STXBP2: variants seen among roughly 807,000 people sequenced by gnomAD.
STXBP2 encodes the protein syntaxin binding protein 2.
Under a neutral mutation model 72.2 loss-of-function variants are expected in STXBP2, and 47 were observed. That is an observed-to-expected ratio of 0.65 (90% CI 0.51 to 0.83). The LOEUF is 0.83. Among genes scored for constraint, STXBP2 ranks in the 40% least tolerant of loss-of-function variants. The pLI is 0.00. For missense variants in STXBP2, 702 were observed against 807.6 expected (o/e 0.87, Z 1.58); for synonymous variants, 367 against 338.7 (o/e 1.08, Z -0.92).
upstream of STXBP2, chr19:7,632,688 T>G (rs567036760): frequency 1.0e-4 from 160 of 1,549,816 alleles, no homozygotes; most frequent in South Asian, 1.8e-3. This position sits in a 1 kb window ranked among gnomAD's most constrained non-coding sequence, Gnocchi z 5.2. Flanking sequence ...TCACGCCCCA[T>G]GGACAGCACC....
upstream of STXBP2, chr19:7,633,874 A>G (rs4804756): frequency 0.29 from 53,957 of 184,116 alleles, 8,750 homozygotes; most frequent in Non-Finnish European, 0.36. Context: ...CTGGCTCCTG[A>G]AAGGGCAGCT....
At position 7,642,551 on chromosome 19, in the gene STXBP2, G is replaced by A; in HGVS notation, c.902+15G>A. 1.9e-6 allele frequency: 3 copies of A among 1,612,326 alleles called. No individual in the cohort carries two copies. Among genetic ancestry groups the A allele is most frequent in the South Asian group, 2.2e-5 (2 of 91,066 alleles). On this transcript the variant is annotated intron_variant, in intron 10 of 18. Coordinates refer to ENST00000221283, the MANE Select transcript of STXBP2 (RefSeq NM_006949.4). This position sits in a 1 kb window ranked among gnomAD's most constrained non-coding sequence, Gnocchi z 6.0. ...GATGTGTCCAAGTGCGTGCACACGG[G>A]GACCGGATCCCCCCCCCACCGCCCA...
chr19:7,631,406 G>C, the STXBP2 span: 2 of 925,050 alleles, frequency 2.2e-6, no homozygotes, highest in African/African-American at 1.7e-5. Flanking sequence ...GGGCGGGGGG[G>C]GGTGGTCCCG....
chr19:7,640,093 T>A (rs745397703), intron 4 of STXBP2: 2 of 613,954 alleles, frequency 3.3e-6, no homozygotes. Context: ...GGTCTGTGTG[T>A]GCATTTGTGT....
chr19:7,637,320 C>G (rs2031585549), intron 1 of STXBP2, 134 bp downstream of exon 1: 8 of 226,496 alleles, frequency 3.5e-5, no homozygotes, highest in South Asian at 1.9e-4. Flanking sequence ...ACCTGACCCT[C>G]GAGGGGGCGG....
chr19:7,644,780 C>A (rs373463367), intron 14 of STXBP2, 28 bp downstream of exon 14: 1 of 1,613,242 alleles, frequency 6.2e-7, no homozygotes, highest in Admixed American at 1.7e-5. Context: ...GGAGTTGGAA[C>A]GTCCCCATTT....
intron 14 of STXBP2, chr19:7,644,972 G>A (rs2032074490): frequency 6.9e-7 from 1 of 1,447,214 alleles, no homozygotes; most frequent in African/African-American, 1.4e-5. Context: ...CCTCACATCT[G>A]TGATTCCTAT....
At position 7,642,775 on chromosome 19, in the gene STXBP2, G is replaced by A. The variant is rs781242568; in HGVS notation, c.912G>A (p.Thr304=). The A allele has an allele frequency of 2.5e-5, 41 of 1,613,678 alleles. No individual in the cohort carries two copies. Among genetic ancestry groups the A allele is most frequent in the Non-Finnish European group, 3.2e-5 (38 of 1,179,988 alleles). ...CCACCCTCATGGCCAGGAAGGTCAC[G>A]GAGCTCCTGAGGACCTTCTGTGAGA... ...MHIADVSKKV[T]ELLRTFCESK... is the part of the protein sequence containing the mutation. The change falls in exon 11 of 19, where the codon ACG becomes ACA. Residue 304 remains threonine, a synonymous_variant. Transcript: ENST00000221283. The surrounding 1 kb of genome is among the most constrained non-coding windows in gnomAD (Gnocchi z 6.0).
chr19:7,633,445 C>T (rs932190266), upstream of STXBP2: 7 of 1,577,412 alleles, frequency 4.4e-6, no homozygotes, highest in Non-Finnish European at 6.0e-6. Context: ...GTCTTCTCCT[C>T]CTGATCCATC....
chr19:7,635,690 G>A (rs911790354), upstream of STXBP2, among the ~76,000 whole-genome samples: 15 of 152,000 alleles, frequency 9.9e-5, no homozygotes, highest in African/African-American at 2.7e-4. Flanking sequence ...AGCGAGACCC[G>A]TCTCTTTACA....
intron 7 of STXBP2, 40 bp downstream of exon 7, chr19:7,641,893 C>G (rs751046015): frequency 2.5e-6 from 4 of 1,587,228 alleles, no homozygotes; most frequent in East Asian, 2.4e-5. Flanking sequence ...GCCGACCCCC[C>G]CTTAACCGCG....
At position 7,640,826 on chromosome 19, in the gene STXBP2, T is replaced by C. The variant is rs1599395297; in HGVS notation, c.325+17T>C. The C allele has an allele frequency of 5.6e-6, 9 of 1,613,976 alleles. No homozygotes were observed. The East Asian group carries it at 1.1e-4, about 20-fold the overall frequency. ...TCACCGACAGTGAGTGAGGAGAGCC[T>C]AGGGTGTTGGTGGGTGGGGCAAGGA... is the stretch of plus-strand genomic sequence containing the variant. On this transcript the variant is annotated intron_variant, in intron 5 of 18. Transcript: ENST00000221283.
rs1297491829 is a variant in STXBP2 at position 7,646,529 on chromosome 19, G to A, written c.1452+185G>A. 8 of 675,430 alleles carry A rather than the reference G, an allele frequency of 1.2e-5. No individual in the cohort carries two copies. The East Asian group carries it at 1.6e-4, about 14-fold the overall frequency. 41.8% of individuals were successfully genotyped at this position (675,430 alleles called of 1,614,324 possible). A position where few individuals can be genotyped will look rare whatever the true frequency, so the allele number is the denominator to read the frequency against. ...CCGCAGCTGAGGAATTGGGGTGACA[G>A]CGGGGCCTGTGCTGGGGAGCCTCAC... On this transcript the variant is annotated intron_variant, in intron 16 of 18. Coordinates refer to ENST00000221283, the MANE Select transcript of STXBP2 (RefSeq NM_006949.4).
the STXBP2 span, chr19:7,631,045 C>T: frequency 1.3e-6 from 1 of 779,138 alleles, no homozygotes; most frequent in East Asian, 2.7e-5. Flanking sequence ...CCCATGTCTA[C>T]AGAAATACAA....
In STXBP2 at chr19:7,637,161, G is replaced by C. The variant is rs1479557498; in HGVS notation, c.12G>C (p.Ser4=). 8.1e-7 allele frequency: 1 copy of C among 1,242,144 alleles called. No individual in the cohort carries two copies. Among genetic ancestry groups the C allele is most frequent in the East Asian group, 3.2e-5 (1 of 31,686 alleles). 76.9% of individuals were successfully genotyped at this position (1,242,144 alleles called of 1,614,324 possible). Residue 4 remains serine (S), a synonymous_variant, in exon 1 of 19, where the codon TCG becomes TCC. Coordinates refer to ENST00000221283, the MANE Select transcript of STXBP2 (RefSeq NM_006949.4). MAP[S]GLKAVVGEKI... is the part of the protein sequence containing the mutation. ...GCCCCTCGGGGAAGATGGCGCCCTC[G>C]GGGCTGAAGGCGGTGGTGGGGGAAA...
rs539453170 is a variant in STXBP2 at position 7,639,907 on chromosome 19, T to C, written c.246+100T>C. 2,690 of 1,301,004 alleles carry C rather than the reference T, an allele frequency of 2.1e-3. 37 individuals are homozygous for C. In the African/African-American group the frequency reaches 0.031, roughly 15 times the overall value. 80.6% of individuals were successfully genotyped at this position (1,301,004 alleles called of 1,614,324 possible). A position where few individuals can be genotyped will look rare whatever the true frequency, so the allele number is the denominator to read the frequency against. ...ATGTGATTGCATGTGTGCATGTGTA[T>C]ACGTGTGCATGTGTCCATGTGTATG... On this transcript the variant is annotated intron_variant, in intron 4 of 18. Coordinates refer to ENST00000221283, the MANE Select transcript of STXBP2 (RefSeq NM_006949.4).
the STXBP2 span, chr19:7,630,685 G>A: frequency 1.3e-6 from 2 of 1,534,608 alleles, no homozygotes; most frequent in Non-Finnish European, 1.7e-6. Context: ...GTGTTTGAGG[G>A]TTCATTCCAG....
rs757979426 is a variant in STXBP2, at chr19:7,644,641, G to C, written c.1135G>C (p.Gly379Arg). 8 of 1,613,364 alleles carry C rather than the reference G, an allele frequency of 5.0e-6. No homozygotes were observed. The highest frequency in any genetic ancestry group is 2.2e-5 in the East Asian group (1 of 44,880). Reference protein sequence around the residue: ...QDLAMGSDAEGEKIKDSMKLI... With the variant: ...QDLAMGSDAEREKIKDSMKLI... ...CCTGGCCATGGGCTCCGACGCAGAG[G>C]GGGAGAAGATCAAGGACTCCATGAA... is the stretch of plus-strand genomic sequence containing the variant. Residue 379 changes from glycine to arginine, a missense_variant, in exon 14 of 19, where the codon GGG (glycine) becomes CGG (arginine). Coordinates refer to ENST00000221283, the MANE Select transcript of STXBP2 (RefSeq NM_006949.4).
Position 7,638,706 on chromosome 19 carries a change from C to T in STXBP2, c.38-20C>T, listed in dbSNP as rs2031666338. 1 of 1,613,888 alleles carries T rather than the reference C, an allele frequency of 6.2e-7. No individual in the cohort carries two copies. The highest frequency in any genetic ancestry group is 8.5e-7 in the Non-Finnish European group (1 of 1,179,798). Reference sequence around the variant, plus strand: ...GACCAGAGAACCAGCATTCTGACCCCTCCCCTCCCTTCCCTGCAGAAATTC... The same window carrying T: ...GACCAGAGAACCAGCATTCTGACCCTTCCCCTCCCTTCCCTGCAGAAATTC... On this transcript the variant is annotated intron_variant, in intron 1 of 18. Coordinates refer to ENST00000221283, the MANE Select transcript of STXBP2 (RefSeq NM_006949.4).
Sources: allele counts gnomAD v4.1 joint callset (sites outside exome capture counted in the v4.1 genomes callset), GRCh38; gene constraint gnomAD v4.1.1; non-coding constraint Gnocchi (gnomAD v3.1); transcripts MANE v1.5; gene names NCBI Gene and HGNC (gene_info 2026-07-23, HGNC 2026-07-21).